The following SPHKAP variants were observed in gnomAD, a reference collection of about 807,000 sequenced individuals.
SPHKAP encodes the protein A-kinase anchor protein SPHKAP.
In SPHKAP, 67 loss-of-function variants were observed where a neutral mutation model predicts 137.5. The ratio of observed to expected loss-of-function variants is 0.49; its 90% CI spans 0.40 to 0.60. The LOEUF (loss-of-function observed/expected upper bound fraction) is 0.60, where lower values mean the gene tolerates loss of function less well. Among genes scored for constraint, SPHKAP ranks in the 20% least tolerant of loss-of-function variants. The pLI is 0.00. For missense variants in SPHKAP, 2,097 were observed against 2,069.3 expected (o/e 1.01, Z -0.26); for synonymous variants, 813 against 785.3 (o/e 1.04, Z -0.59).
intron 3 of SPHKAP, among the ~76,000 whole-genome samples, chr2:228,054,607 C>T (rs150956490): frequency 7.7e-4 from 117 of 152,212 alleles, no homozygotes; most frequent in African/African-American, 2.7e-3. Context: ...AAAATACACA[C>T]GTTTGGTTCA....
chr2:228,019,145 A>C lies in SPHKAP; in HGVS notation c.1709T>G (p.Val570Gly). 6.2e-7 allele frequency: 1 copy of C among 1,613,874 alleles called. No homozygotes were observed. Among genetic ancestry groups the C allele is most frequent in the Non-Finnish European group, 8.5e-7 (1 of 1,180,028 alleles). Residue 570 changes from valine (V) to glycine (G), a missense_variant, in exon 7 of 12, where the codon GTC (valine) becomes GGC (glycine). Val to Gly is a moderately radical substitution (Grantham distance 109, BLOSUM62 -3). Transcript: ENST00000392056. Reference sequence around the variant, plus strand: ...CTCTTCTCTTTCACCCAGACCACAGACAGCCACGGCACTGGCCACCTGAGT... The same window carrying C: ...CTCTTCTCTTTCACCCAGACCACAGCCAGCCACGGCACTGGCCACCTGAGT... ...GMTQVASAVA[V>G]CGLGEREEVT... is the part of the protein sequence containing the mutation.
At chr2:228,139,359 A>G (rs1489192912) in intron 1 of SPHKAP, among the ~76,000 whole-genome samples, 1 of 152,172 alleles carries the variant, frequency 6.6e-6, no homozygotes, top group Non-Finnish European at 1.5e-5. Context: ...ACTATATAAA[A>G]TATCTGGATT....
chr2:228,033,447 A>G (rs12473875), intron 3 of SPHKAP, among the ~76,000 whole-genome samples: 7 of 151,998 alleles, frequency 4.6e-5, no homozygotes, highest in Non-Finnish European at 1.5e-5. Flanking sequence ...TTAACACCCC[A>G]CTGTCAACAT....
chr2:228,010,528 T>C (rs1694329668), intron 7 of SPHKAP, among the ~76,000 whole-genome samples: 1 of 152,154 alleles, frequency 6.6e-6, no homozygotes, highest in African/African-American at 2.4e-5. Context: ...CGAAACTCCA[T>C]CTCAAAAACA....
rs1472479495 is a variant in SPHKAP at position 228,102,326 on chromosome 2, G to T, written c.246+6506C>A. On this transcript the variant is annotated intron_variant, in intron 3 of 11. Coordinates refer to ENST00000392056, the MANE Select transcript of SPHKAP (RefSeq NM_001142644.2). ...CTGAAGTACAGACATTTTAAAATTT[G>T]TTTCTGCAGCTGCATGATACTTAAA... Among the ~76,000 whole-genome samples, 4 of 151,414 alleles carry T rather than the reference G, an allele frequency of 2.6e-5. No individual in the cohort carries two copies. In the East Asian group the frequency reaches 7.8e-4, roughly 29 times the overall value.
intron 6 of SPHKAP, among the ~76,000 whole-genome samples, chr2:228,020,946 C>A (rs904524625): frequency 2.0e-5 from 3 of 152,112 alleles, no homozygotes; most frequent in African/African-American, 7.2e-5. Context: ...CAGACAGTTG[C>A]ATCTTAGAGC....
intron 3 of SPHKAP, among the ~76,000 whole-genome samples, chr2:228,107,912 A>G (rs1424232740): frequency 6.6e-6 from 1 of 152,188 alleles, no homozygotes; most frequent in Middle Eastern, 3.2e-3. Flanking sequence ...ACTTAAATCT[A>G]TTGAATGGAC....
At chr2:228,107,956 C>T (rs938899847) in intron 3 of SPHKAP, among the ~76,000 whole-genome samples, 3 of 152,120 alleles carry the variant, frequency 2.0e-5, no homozygotes, top group Non-Finnish European at 4.4e-5. Context: ...GTTTAACATC[C>T]TCTGTCTGCC....
intron 3 of SPHKAP, among the ~76,000 whole-genome samples, chr2:228,105,096 G>C (rs1227338087): frequency 6.6e-6 from 1 of 152,116 alleles, no homozygotes; most frequent in Non-Finnish European, 1.5e-5. Context: ...AGCCTCCTGA[G>C]TAGCTGGGAC....
At chr2:228,047,921 T>A (rs1000125409) in intron 3 of SPHKAP, among the ~76,000 whole-genome samples, 6 of 152,174 alleles carry the variant, frequency 3.9e-5, no homozygotes, top group African/African-American at 1.4e-4. Flanking sequence ...GGGTTTTGAA[T>A]GAGTTAATCT....
At chr2:228,137,407 A>C (rs748608028) in intron 1 of SPHKAP, among the ~76,000 whole-genome samples, 5 of 152,242 alleles carry the variant, frequency 3.3e-5, no homozygotes, top group Non-Finnish European at 5.9e-5. Flanking sequence ...AGTTGGTGAG[A>C]TAAGCCACAT....
chr2:228,043,643 T>C (rs1695930082), intron 3 of SPHKAP, among the ~76,000 whole-genome samples: 2 of 152,164 alleles, frequency 1.3e-5, no homozygotes, highest in South Asian at 4.1e-4. Context: ...GTAGTTTTCA[T>C]TGATGTTAAA....
At chr2:228,164,964 C>G (rs951497536) in intron 1 of SPHKAP, among the ~76,000 whole-genome samples, 26 of 152,236 alleles carry the variant, frequency 1.7e-4, no homozygotes, top group African/African-American at 6.3e-4. Context: ...TCCATTGGTA[C>G]CATGAGAAGG....
intron 3 of SPHKAP, among the ~76,000 whole-genome samples, chr2:228,093,387 TTCC>T (rs532348034): frequency 2.2e-3 from 336 of 152,314 alleles, no homozygotes; most frequent in Non-Finnish European, 3.5e-3. Flanking sequence ...AATGCAAACC[TTCC>T]TCAACTCATG....
intron 3 of SPHKAP, among the ~76,000 whole-genome samples, chr2:228,079,670 G>T (rs533851819): frequency 3.3e-5 from 5 of 152,324 alleles, no homozygotes; most frequent in African/African-American, 1.2e-4. Flanking sequence ...AGGCCCACCA[G>T]CTCCAGGTCA....
At chr2:228,012,127 C>T (rs1334462574) in intron 7 of SPHKAP, among the ~76,000 whole-genome samples, 1 of 133,298 alleles carries the variant, frequency 7.5e-6, no homozygotes, top group Non-Finnish European at 1.5e-5. Flanking sequence ...ATGGTTGCAC[C>T]ACAGCACTCC....
At chr2:228,130,332 G>A (rs1699209895) in intron 2 of SPHKAP, among the ~76,000 whole-genome samples, 1 of 152,312 alleles carries the variant, frequency 6.6e-6, no homozygotes, top group South Asian at 2.1e-4. Flanking sequence ...AGTAATATTA[G>A]TGATAGAGAT....
intron 7 of SPHKAP, among the ~76,000 whole-genome samples, chr2:228,004,531 A>G (rs936955458): frequency 1.3e-5 from 2 of 152,174 alleles, no homozygotes; most frequent in African/African-American, 4.8e-5. Flanking sequence ...TGATTTTATG[A>G]AGGGTTTTTT....
chr2:228,096,807 G>A (rs1698001133), intron 3 of SPHKAP, among the ~76,000 whole-genome samples: 1 of 151,992 alleles, frequency 6.6e-6, no homozygotes, highest in Non-Finnish European at 1.5e-5. Flanking sequence ...TCTGCTTTTA[G>A]CACTTTCTCA....
Sources: allele counts gnomAD v4.1 joint callset (sites outside exome capture counted in the v4.1 genomes callset), GRCh38; gene constraint gnomAD v4.1.1; transcripts MANE v1.5; gene names NCBI Gene and HGNC (gene_info 2026-07-23, HGNC 2026-07-21).